LRRTM4: variants seen among roughly 807,000 people sequenced by gnomAD.
LRRTM4 encodes the protein leucine rich repeat transmembrane neuronal 4, also known as leucine-rich repeat transmembrane neuronal protein 4.
LRRTM4 carries 25 observed loss-of-function variants against 47.6 expected under a neutral mutation model. That is an observed-to-expected ratio of 0.53 (90% CI 0.38 to 0.73). The LOEUF (loss-of-function observed/expected upper bound fraction) is 0.73, where lower values mean the gene tolerates loss of function less well. Among genes scored for constraint, LRRTM4 ranks in the 30% least tolerant of loss-of-function variants. The pLI is 0.00. For missense variants in LRRTM4, 638 were observed against 713.4 expected, an observed-to-expected ratio of 0.89 and a Z score of 1.20; for synonymous variants, 311 against 269.5, an observed-to-expected ratio of 1.15 and a Z score of -1.51.
At chr2:76,956,352 A>C (rs1675675081) in intron 3 of LRRTM4, among the ~76,000 whole-genome samples, 1 of 151,748 alleles carries the variant, frequency 6.6e-6, no homozygotes, top group South Asian at 2.1e-4. Flanking sequence ...TAATACGTAA[A>C]GAAGGGAAAG....
At chr2:77,430,721 C>A (rs371368885) in intron 3 of LRRTM4, among the ~76,000 whole-genome samples, 70 of 122,200 alleles carry the variant, frequency 5.7e-4, no homozygotes, top group South Asian at 7.4e-4. Flanking sequence ...AACTCTGTCT[C>A]AAAAAAAAAA....
chr2:76,828,387 A>G (rs1453215609), intron 3 of LRRTM4, among the ~76,000 whole-genome samples: 1 of 151,998 alleles, frequency 6.6e-6, no homozygotes, highest in Non-Finnish European at 1.5e-5. Context: ...AGTGGAAGCA[A>G]TATCACTGTA....
chr2:77,317,126 A>G (rs1400920804), intron 3 of LRRTM4, among the ~76,000 whole-genome samples: 2 of 149,724 alleles, frequency 1.3e-5, no homozygotes, highest in Non-Finnish European at 3.0e-5. Flanking sequence ...GACAATCTTC[A>G]TGATAAAATG....
intron 3 of LRRTM4, among the ~76,000 whole-genome samples, chr2:76,882,565 A>C (rs1672962867): frequency 6.6e-6 from 1 of 151,978 alleles, no homozygotes; most frequent in Non-Finnish European, 1.5e-5. Flanking sequence ...TTAACCAAGC[A>C]TGATGGTGCA....
At chr2:76,772,718 C>G (rs769632768) in intron 3 of LRRTM4, among the ~76,000 whole-genome samples, 1 of 152,160 alleles carries the variant, frequency 6.6e-6, no homozygotes, top group African/African-American at 2.4e-5. Context: ...TTCAGTTACT[C>G]TCAGTATAGT....
At chr2:76,999,747 A>G (rs549719215) in intron 3 of LRRTM4, among the ~76,000 whole-genome samples, 1 of 152,248 alleles carries the variant, frequency 6.6e-6, no homozygotes, top group South Asian at 2.1e-4. Flanking sequence ...CTTTCACGGC[A>G]CACAGTTTAG....
intron 3 of LRRTM4, among the ~76,000 whole-genome samples, chr2:76,804,813 TAAAC>T (rs1573138491): frequency 6.6e-6 from 1 of 150,956 alleles, no homozygotes; most frequent in East Asian, 1.9e-4. Context: ...AACAAATTAT[TAAAC>T]AGACAAGCAC....
intron 3 of LRRTM4, among the ~76,000 whole-genome samples, chr2:77,065,831 T>C (rs766063891): frequency 1.3e-5 from 2 of 152,182 alleles, no homozygotes; most frequent in Non-Finnish European, 2.9e-5. Flanking sequence ...ACTTAAACTC[T>C]GAGATGCCAT....
intron 3 of LRRTM4, among the ~76,000 whole-genome samples, chr2:76,842,766 T>G (rs531672962): frequency 6.6e-6 from 1 of 152,336 alleles, no homozygotes; most frequent in African/African-American, 2.4e-5. Context: ...GGGATACATG[T>G]GCAGAATGTG....
intron 3 of LRRTM4, among the ~76,000 whole-genome samples, chr2:76,961,294 T>C (rs966959429): frequency 2.6e-5 from 4 of 151,360 alleles, no homozygotes; most frequent in African/African-American, 9.7e-5. Context: ...TTTGTCCATA[T>C]CATCGTTTTC....
chr2:77,046,969 A>G (rs889372557), intron 3 of LRRTM4, among the ~76,000 whole-genome samples: 3 of 152,044 alleles, frequency 2.0e-5, no homozygotes, highest in African/African-American at 7.2e-5. Context: ...GCATGAGCAT[A>G]TTCTGCTCCT....
At chr2:77,328,702 C>T (rs1670867454) in intron 3 of LRRTM4, among the ~76,000 whole-genome samples, 1 of 152,124 alleles carries the variant, frequency 6.6e-6, no homozygotes, top group African/African-American at 2.4e-5. Context: ...TTTACAAGTG[C>T]TGTCGTTGGG....
chr2:76,937,743 A>G (rs1356877645), intron 3 of LRRTM4, among the ~76,000 whole-genome samples: 1 of 151,732 alleles, frequency 6.6e-6, no homozygotes, highest in Admixed American at 6.6e-5. Context: ...ATTTTTTCGT[A>G]TTTTAGTACA....
intron 3 of LRRTM4, among the ~76,000 whole-genome samples, chr2:77,168,164 A>T (rs919491589): frequency 2.6e-5 from 4 of 152,126 alleles, no homozygotes; most frequent in Non-Finnish European, 4.4e-5. Flanking sequence ...TTGAGCATTC[A>T]TATGTTCTGT....
At chr2:77,036,476 G>A (rs535739824) in intron 3 of LRRTM4, among the ~76,000 whole-genome samples, 2 of 151,706 alleles carry the variant, frequency 1.3e-5, no homozygotes, top group African/African-American at 4.8e-5. Context: ...ATCCTTTACA[G>A]AACTATTGTT....
At chr2:77,129,952 C>T (rs994862814) in intron 3 of LRRTM4, among the ~76,000 whole-genome samples, 10 of 152,226 alleles carry the variant, frequency 6.6e-5, no homozygotes, top group African/African-American at 1.2e-4. Context: ...CCTAAAAATA[C>T]GAATAAAAAC....
chr2:77,463,938 A>G (rs190056464), intron 3 of LRRTM4, among the ~76,000 whole-genome samples: 2 of 152,170 alleles, frequency 1.3e-5, no homozygotes, highest in Non-Finnish European at 2.9e-5. Flanking sequence ...GATAGTTAAC[A>G]ATTTTTTGAG....
chr2:77,242,914 C>T (rs2861012), intron 3 of LRRTM4, among the ~76,000 whole-genome samples: 85,490 of 151,628 alleles, frequency 0.56, 24,400 homozygotes, highest in African/African-American at 0.6. Context: ...GAAAAAGTAT[C>T]TATACACCCG....
At chr2:77,476,244 C>T (rs1016532775) in intron 3 of LRRTM4, among the ~76,000 whole-genome samples, 1 of 152,058 alleles carries the variant, frequency 6.6e-6, no homozygotes, top group Non-Finnish European at 1.5e-5. Flanking sequence ...AGTGCTATGC[C>T]TCTAATACTC....
Sources: gnomAD v4.1 joint callset for allele counts (sites outside exome capture counted in the v4.1 genomes callset) on GRCh38, gnomAD v4.1.1 for gene constraint, MANE v1.5 for transcripts, NCBI Gene and HGNC (gene_info 2026-07-23, HGNC 2026-07-21) for gene names.